The following DOK5 variants were observed in gnomAD, a reference collection of about 807,000 sequenced individuals.
DOK5 encodes the protein downstream of tyrosine kinase 5.
DOK5 carries 27 observed loss-of-function variants against 43.3 expected under a neutral mutation model. The observed-to-expected ratio is 0.62, with a 90% CI of 0.46 to 0.86. DOK5 has a LOEUF of 0.86. DOK5 is among the 40% of genes least tolerant of loss of function. The probability of loss-of-function intolerance (pLI) is 0.00; values close to 1 mark genes in which losing one functional copy is unlikely to be tolerated. For synonymous variants in DOK5, 146 were observed against 140.1 expected (o/e 1.04, Z -0.30); for missense variants, 373 against 392.9 (o/e 0.95, Z 0.43).
intron 5 of DOK5, among the ~76,000 whole-genome samples, chr20:54,603,012 G>A (rs933019630): frequency 2.6e-5 from 4 of 152,068 alleles, no homozygotes; most frequent in African/African-American, 9.7e-5. Context: ...TTATAACAGG[G>A]GATACTGGTT....
intron 5 of DOK5, among the ~76,000 whole-genome samples, chr20:54,593,256 C>T (rs1986036641): frequency 3.9e-5 from 5 of 126,866 alleles, no homozygotes; most frequent in Admixed American, 3.5e-4. Flanking sequence ...GACTCTGTCT[C>T]CCAGAAAAAA....
intron 6 of DOK5, among the ~76,000 whole-genome samples, chr20:54,611,747 T>G (rs1724643291): frequency 6.6e-6 from 1 of 152,152 alleles, no homozygotes; most frequent in African/African-American, 2.4e-5. Flanking sequence ...AGGAATTGCG[T>G]TGGCAAGATT....
intron 1 of DOK5, among the ~76,000 whole-genome samples, chr20:54,533,460 T>A (rs572298567): frequency 1.6e-4 from 24 of 152,336 alleles, no homozygotes; most frequent in Admixed American, 3.3e-4. Flanking sequence ...TTTAAACATT[T>A]TTTTCTAACC....
chr20:54,566,523 C>T (rs1347044254), intron 2 of DOK5, among the ~76,000 whole-genome samples: 5 of 152,190 alleles, frequency 3.3e-5, no homozygotes, highest in Non-Finnish European at 5.9e-5. Flanking sequence ...AGGGACTCTA[C>T]CATTTTACAG....
At chr20:54,580,312 A>T (rs1451813920) in intron 2 of DOK5, among the ~76,000 whole-genome samples, 1 of 152,198 alleles carries the variant, frequency 6.6e-6, no homozygotes, top group Non-Finnish European at 1.5e-5. Context: ...TAAACATGGA[A>T]GTGAAAAGAT....
intron 1 of DOK5, among the ~76,000 whole-genome samples, chr20:54,540,864 G>A (rs913878764): frequency 8.1e-4 from 121 of 150,284 alleles, no homozygotes; most frequent in African/African-American, 2.9e-3. Flanking sequence ...ATCTCACACA[G>A]CCCTATAGGG....
chr20:54,552,541 T>G (rs906570312), intron 1 of DOK5, among the ~76,000 whole-genome samples: 1 of 152,120 alleles, frequency 6.6e-6, no homozygotes, highest in Admixed American at 6.5e-5. Context: ...TATCGTAATA[T>G]GTACTACATG....
chr20:54,633,575 C>T (rs187516082), intron 6 of DOK5, among the ~76,000 whole-genome samples: 2 of 152,248 alleles, frequency 1.3e-5, no homozygotes, highest in East Asian at 3.9e-4. Flanking sequence ...TGTGTTCAGG[C>T]GTGGATGTGG....
intron 2 of DOK5, among the ~76,000 whole-genome samples, chr20:54,586,337 A>G (rs931026021): frequency 2.4e-4 from 37 of 152,186 alleles, no homozygotes; most frequent in African/African-American, 8.9e-4. Context: ...GCCAGGGCAC[A>G]TTTCCTAGAG....
intron 6 of DOK5, among the ~76,000 whole-genome samples, chr20:54,632,287 T>C (rs1250409056): frequency 6.6e-6 from 1 of 152,248 alleles, no homozygotes; most frequent in Non-Finnish European, 1.5e-5. Flanking sequence ...GGTGGTTTTA[T>C]GTATGGCTTT....
chr20:54,636,640 C>T (rs908094972), intron 6 of DOK5, among the ~76,000 whole-genome samples: 1 of 152,186 alleles, frequency 6.6e-6, no homozygotes, highest in Admixed American at 6.5e-5. Flanking sequence ...GCCTGCCAAA[C>T]TGTCTTTAAA....
chr20:54,505,074 C>T (rs910099217), intron 1 of DOK5, among the ~76,000 whole-genome samples: 23 of 152,160 alleles, frequency 1.5e-4, no homozygotes, highest in African/African-American at 5.3e-4. Context: ...GTGCCTCATC[C>T]CACACCCCAC....
intron 1 of DOK5, among the ~76,000 whole-genome samples, chr20:54,553,769 T>C (rs1003333536): frequency 6.6e-6 from 1 of 151,220 alleles, no homozygotes; most frequent in Non-Finnish European, 1.5e-5. Context: ...TAGTTGTGCT[T>C]GCCTGTAATT....
chr20:54,619,771 A>G (rs1198977977), intron 6 of DOK5, among the ~76,000 whole-genome samples: 1 of 152,244 alleles, frequency 6.6e-6, no homozygotes, highest in African/African-American at 2.4e-5. Flanking sequence ...GCATTCTTCC[A>G]TAATTTTTGA....
rs539962957 is a variant in DOK5 at position 54,609,224 on chromosome 20, G to A, written c.600-1164G>A. On this transcript the variant is annotated intron_variant, in intron 5 of 7. Transcript: ENST00000262593. ...AGAATTTGCTTAGTTTCTATGCTGTGTTAAACAGTTCTTTAGATGGGAGCA... is the reference window on the plus strand; with the variant it reads ...AGAATTTGCTTAGTTTCTATGCTGTATTAAACAGTTCTTTAGATGGGAGCA... 7.7e-4 allele frequency among the ~76,000 whole-genome samples: 118 copies of A among 152,316 alleles called. 1 individual carries two copies. The highest frequency in any genetic ancestry group is 2.8e-3 in the African/African-American group (115 of 41,570).
At chr20:54,637,938 C>G (rs556643794) in intron 6 of DOK5, among the ~76,000 whole-genome samples, 3 of 152,060 alleles carry the variant, frequency 2.0e-5, no homozygotes, top group African/African-American at 2.4e-5. Flanking sequence ...GTGGCTAACA[C>G]GGTGAAACCC....
chr20:54,614,353 T>A (rs1986740752), intron 6 of DOK5, among the ~76,000 whole-genome samples: 1 of 152,116 alleles, frequency 6.6e-6, no homozygotes, highest in Admixed American at 6.5e-5. Flanking sequence ...GGGAGGGGAA[T>A]GCGAGAGAGA....
At chr20:54,568,884 T>A (rs1387533552) in intron 2 of DOK5, among the ~76,000 whole-genome samples, 2 of 151,178 alleles carry the variant, frequency 1.3e-5, no homozygotes, top group Non-Finnish European at 2.9e-5. Flanking sequence ...GTGAGCCGAG[T>A]TCACGCCACT....
chr20:54,637,117 C>T (rs1348659123), intron 6 of DOK5, among the ~76,000 whole-genome samples: 3 of 152,346 alleles, frequency 2.0e-5, no homozygotes, highest in East Asian at 1.9e-4. Flanking sequence ...TAAGCCCAAG[C>T]AACTCCCATG....
Sources: allele counts gnomAD v4.1 joint callset (sites outside exome capture counted in the v4.1 genomes callset), GRCh38; gene constraint gnomAD v4.1.1; transcripts MANE v1.5; gene names NCBI Gene and HGNC (gene_info 2026-07-23, HGNC 2026-07-21).